RPS3: variants seen among roughly 807,000 people sequenced by gnomAD.
RPS3 encodes small ribosomal subunit protein uS3.
In RPS3, 2 loss-of-function variants were observed where a neutral mutation model predicts 25.8. The observed-to-expected ratio is 0.08, with a 90% CI of 0.03 to 0.24. The LOEUF is 0.24. RPS3 is among the 10% of genes least tolerant of loss of function. RPS3 has a pLI of 1.00. For synonymous variants in RPS3, 114 were observed against 114.2 expected (o/e 1.00, Z 0.01); for missense variants, 107 against 307.1 (o/e 0.35, Z 4.87).
At chr11:75,403,797 G>A (rs929987993) in intron 4 of RPS3, 1 of 474,298 alleles carries the variant, frequency 2.1e-6, no homozygotes, top group African/African-American at 2.0e-5. Flanking sequence ...CCAGTATGCA[G>A]CCAGGGTTGG....
At chr11:75,418,243 A>G (rs972276757) in intron 6 of RPS3, among the ~76,000 whole-genome samples, 7 of 152,188 alleles carry the variant, frequency 4.6e-5, no homozygotes, top group African/African-American at 1.4e-4. Context: ...TGGCTGGGGC[A>G]ATGCCAGGAC....
rs1297148441 is a variant in RPS3 at position 75,404,219 on chromosome 11, A to G, written c.538+12A>G. Reference sequence around the variant, plus strand: ...GTTGCTCAGACAGGGTGAGCAGCTGAGAGTGCTTGGCAAAGGGCATTTGTG... The same window carrying G: ...GTTGCTCAGACAGGGTGAGCAGCTGGGAGTGCTTGGCAAAGGGCATTTGTG... On this transcript the variant is annotated intron_variant, in intron 5 of 6. Transcript: ENST00000531188. The surrounding 1 kb of genome is among the most constrained non-coding windows in gnomAD (Gnocchi z 4.6). 6.2e-7 allele frequency: 1 copy of G among 1,608,718 alleles called. No homozygotes were observed. Among genetic ancestry groups the G allele is most frequent in the East Asian group, 2.2e-5 (1 of 44,776 alleles).
In RPS3 at chr11:75,405,684, A is replaced by G. The variant is rs1458593835; in HGVS notation, c.*74A>G. On this transcript the variant is annotated 3_prime_UTR_variant, in exon 7 of 7. Coordinates refer to ENST00000531188, the MANE Select transcript of RPS3 (RefSeq NM_001005.5). ...AAGACCTTTAATAAAATTTTGTACA[A>G]AGACACAAGGTCTGACTAGACTGTT... is the stretch of plus-strand genomic sequence containing the variant. 6.6e-6 allele frequency: 3 copies of G among 456,070 alleles called. No individual in the cohort carries two copies. The highest frequency in any genetic ancestry group is 4.0e-5 in the African/African-American group (2 of 50,164). The allele number at this position is 456,070 out of a possible 1,614,324, so 28.3% of individuals were successfully genotyped here.
At chr11:75,409,440 G>T (rs1398114149), downstream of RPS3, among the ~76,000 whole-genome samples, 5 of 130,892 alleles carry the variant, frequency 3.8e-5, no homozygotes, top group East Asian at 1.1e-3. Context: ...ATCTTGCACC[G>T]CCCTTAATCC....
rs533317830 is a variant in RPS3, at chr11:75,406,625, C to G, written c.*1015C>G. The stretch of plus-strand genomic sequence containing the variant: ...TACACTGACAAGTATCTGACCCCCC[C>G]TTCCTTTTTGACTCATAAATTGGTC... On this transcript the variant is annotated 3_prime_UTR_variant, in exon 7 of 7. Coordinates refer to ENST00000531188, the MANE Select transcript of RPS3 (RefSeq NM_001005.5). 2.6e-5 allele frequency: 4 copies of G among 152,310 alleles called. No individual in the cohort carries two copies. Among genetic ancestry groups the G allele is most frequent in the Non-Finnish European group, 5.9e-5 (4 of 68,030 alleles). 9.4% of individuals were successfully genotyped at this position (152,310 alleles called of 1,614,324 possible). A position where few individuals can be genotyped will look rare whatever the true frequency, so the allele number is the denominator to read the frequency against.
chr11:75,409,339 G>A (rs1483309544), downstream of RPS3, among the ~76,000 whole-genome samples: 5 of 136,608 alleles, frequency 3.7e-5, no homozygotes, highest in South Asian at 4.9e-4. Flanking sequence ...GCGGCCTTCC[G>A]CAGTGTTTGT....
chr11:75,409,633 C>T (rs1186172117), downstream of RPS3, among the ~76,000 whole-genome samples: 6 of 148,190 alleles, frequency 4.0e-5, no homozygotes, highest in Non-Finnish European at 9.0e-5. Context: ...TTTTTCCCCA[C>T]CCTTCCCGCC....
chr11:75,411,665 C>G (rs1231870328), downstream of RPS3, among the ~76,000 whole-genome samples: 1 of 152,196 alleles, frequency 6.6e-6, no homozygotes, highest in Non-Finnish European at 1.5e-5. Flanking sequence ...GCTGGGATTA[C>G]AGGTGTGAGC....
chr11:75,408,490 A>AC (rs74515013), downstream of RPS3, among the ~76,000 whole-genome samples: 36,184 of 151,650 alleles, frequency 0.24, 5,376 homozygotes, highest in Non-Finnish European at 0.35. Context: ...TAAAAAAAAA[A>AC]CCCAGATTTG....
At chr11:75,407,468 T>C (rs145923951), downstream of RPS3, among the ~76,000 whole-genome samples, 1 of 151,428 alleles carries the variant, frequency 6.6e-6, no homozygotes, top group East Asian at 2.0e-4. Flanking sequence ...CCGCAAATTA[T>C]TTTTTATTAT....
At chr11:75,400,889 A>T in intron 2 of RPS3, 65 bp downstream of exon 2, 2 of 1,539,916 alleles carry the variant, frequency 1.3e-6, no homozygotes, top group Non-Finnish European at 8.8e-7. Flanking sequence ...TTATTTATTT[A>T]TTTATTTTTT....
Position 75,401,258 on chromosome 11 carries a change from G to A in RPS3, c.162-382G>A, listed in dbSNP as rs149476224. ...TAGTGAATGTAATTGCTTCTTAAAA[G>A]CTAGATTTTAAGGCCAGGCGTAGGA... is the stretch of plus-strand genomic sequence containing the variant. On this transcript the variant is annotated intron_variant, in intron 2 of 6. Transcript: ENST00000531188. Among the ~76,000 whole-genome samples the A allele has an allele frequency of 2.5e-4, 38 of 152,292 alleles. No individual in the cohort carries two copies. The East Asian group carries it at 6.2e-3, about 25-fold the overall frequency.
chr11:75,399,531 C>G lies in RPS3; in HGVS notation c.-17C>G, dbSNP rs17881757. The G allele has an allele frequency of 7.2e-5, 116 of 1,613,662 alleles. No individual in the cohort carries two copies. The highest frequency in any genetic ancestry group is 9.7e-5 in the Non-Finnish European group (114 of 1,179,836). Reference sequence around the variant, plus strand: ...CGCGAGCCACTTCCTTTCCTTTCAGCGGAGCGCGGCGGCAAGATGGCAGTG... The same window carrying G: ...CGCGAGCCACTTCCTTTCCTTTCAGGGGAGCGCGGCGGCAAGATGGCAGTG... On this transcript the variant is annotated 5_prime_UTR_variant, in exon 1 of 7. Transcript: ENST00000531188.
At chr11:75,401,595 A>T (rs763176353) in intron 2 of RPS3, 45 bp from the exon 3 acceptor site, 1 of 1,274,890 alleles carries the variant, frequency 7.8e-7, no homozygotes, top group South Asian at 1.2e-5. Context: ...TTAAAGTTAC[A>T]TCTAGCATTT....
At position 75,406,746 on chromosome 11, in the gene RPS3, A is replaced by G. The variant is rs1273883411; in HGVS notation, c.*1136A>G. Reference sequence around the variant, plus strand: ...GGATTCAACCAACTTTGGGTCAAAAATAATCAAAAAGGATGGTTGTGTGTG... The same window carrying G: ...GGATTCAACCAACTTTGGGTCAAAAGTAATCAAAAAGGATGGTTGTGTGTG... On this transcript the variant is annotated 3_prime_UTR_variant, in exon 7 of 7. Transcript: ENST00000531188. 2 of 152,248 alleles carry G rather than the reference A, an allele frequency of 1.3e-5. No homozygotes were observed. Among genetic ancestry groups the G allele is most frequent in the African/African-American group, 2.4e-5 (1 of 41,464 alleles). 9.4% of individuals were successfully genotyped at this position (152,248 alleles called of 1,614,324 possible).
In RPS3 at chr11:75,413,066, C is replaced by G. The variant is rs146186994; in HGVS notation, c.*3+8198C>G. 6.6e-5 allele frequency among the ~76,000 whole-genome samples: 10 copies of G among 152,230 alleles called. No homozygotes were observed. In the South Asian group the frequency reaches 2.1e-3, roughly 32 times the overall value. On this transcript the variant is annotated intron_variant, in intron 6 of 6. Transcript: ENST00000527446. ...GGGGTTACAGGCATGAGCCACCATG[C>G]CTGTCCTGTTTTTATTTCAACCTGT... is the stretch of plus-strand genomic sequence containing the variant.
At chr11:75,403,931 A>G in intron 4 of RPS3, 89 bp from the exon 5 acceptor site, 1 of 1,264,924 alleles carries the variant, frequency 7.9e-7, no homozygotes, top group South Asian at 1.4e-5. Context: ...CCATTAAAGG[A>G]ACATTGAAAA....
chr11:75,421,650 C>T (rs915901632), intron 6 of RPS3: 2 of 152,244 alleles, frequency 1.3e-5, no homozygotes, highest in Admixed American at 1.3e-4. Flanking sequence ...GGTGCCCCCA[C>T]CCTGGGCCTG....
At chr11:75,409,224 T>TTCTC (rs1344375675), downstream of RPS3, among the ~76,000 whole-genome samples, 1 of 147,734 alleles carries the variant, frequency 6.8e-6, no homozygotes. Flanking sequence ...TCTTGGGTGT[T>TTCTC]TCTCGCAGAG....
Sources: allele counts gnomAD v4.1 joint callset (sites outside exome capture counted in the v4.1 genomes callset), GRCh38; gene constraint gnomAD v4.1.1; non-coding constraint Gnocchi (gnomAD v3.1); transcripts MANE v1.5; gene names NCBI Gene and HGNC (gene_info 2026-07-23, HGNC 2026-07-21).